The following FANCM variants were observed in gnomAD, a reference collection of about 807,000 sequenced individuals.
FANCM encodes the protein FA complementation group M, also known as Fanconi anemia group M protein.
FANCM carries 140 observed loss-of-function variants against 199.5 expected under a neutral mutation model. That is an observed-to-expected ratio of 0.70 (90% CI 0.61 to 0.81). FANCM has a LOEUF of 0.81. FANCM is among the 30% of genes least tolerant of loss of function. FANCM has a pLI of 0.00. For missense variants in FANCM, 2,410 were observed against 2,421.4 expected, an observed-to-expected ratio of 1.00 and a Z score of 0.10; for synonymous variants, 840 against 836.8, an observed-to-expected ratio of 1.00 and a Z score of -0.07.
chr14:45,146,753 A>T (rs1246755510), intron 3 of FANCM, among the ~76,000 whole-genome samples: 1 of 150,390 alleles, frequency 6.6e-6, no homozygotes. Context: ...GAATGGCGTG[A>T]ACCTGGGAGG....
chr14:45,185,195 T>A lies in FANCM; in HGVS notation c.4516-22T>A, dbSNP rs544620577. The stretch of plus-strand genomic sequence containing the variant: ...TTATTTTCTCACTGATATCTTCATG[T>A]TTTCTAATTTGTCTTACTTAGCATG... On this transcript the variant is annotated intron_variant, in intron 17 of 22. Transcript: ENST00000267430. 10 of 1,501,280 alleles carry A rather than the reference T, an allele frequency of 6.7e-6. No individual in the cohort carries two copies. In the East Asian group the frequency reaches 2.0e-4, roughly 31 times the overall value. The allele number at this position is 1,501,280 out of a possible 1,614,324, so 93.0% of individuals were successfully genotyped here. A position where few individuals can be genotyped will look rare whatever the true frequency, so the allele number is the denominator to read the frequency against.
chr14:45,154,074 A>G (rs755662028), intron 6 of FANCM, 22 bp downstream of exon 6: 2 of 1,483,948 alleles, frequency 1.3e-6, no homozygotes, highest in Non-Finnish European at 1.9e-6. Flanking sequence ...CAAATTATTT[A>G]AAGAAATAAT....
intron 18 of FANCM, 40 bp from the exon 19 acceptor site, chr14:45,187,741 A>G (rs1257526938): frequency 1.1e-6 from 1 of 947,134 alleles, no homozygotes; most frequent in Non-Finnish European, 1.7e-6. Context: ...TTTCATTTAA[A>G]TAATTTTGCT....
In FANCM at chr14:45,164,506, A is replaced by G; in HGVS notation, c.1729A>G (p.Thr577Ala). 1.2e-6 allele frequency: 2 copies of G among 1,613,704 alleles called. No homozygotes were observed. The highest frequency in any genetic ancestry group is 1.7e-6 in the Non-Finnish European group (2 of 1,180,016). The stretch of plus-strand genomic sequence containing the variant: ...TCGTCTTGTACAACGAATGGGTAGA[A>G]CTGGCCGTAAACGTCAAGGCAGGAT... The part of the protein sequence containing the change: ...PIRLVQRMGR[T>A]GRKRQGRIVI... Residue 577 changes from threonine (T) to alanine (A), a missense_variant, in exon 10 of 23, where the codon ACT (threonine) becomes GCT (alanine). Coordinates refer to ENST00000267430, the MANE Select transcript of FANCM (RefSeq NM_020937.4).
In FANCM at chr14:45,189,070, A is replaced by G. The variant is rs763454366; in HGVS notation, c.5048A>G (p.Lys1683Arg). The G allele has an allele frequency of 1.1e-5, 18 of 1,614,170 alleles. No homozygotes were observed. Among genetic ancestry groups the G allele is most frequent in the Non-Finnish European group, 1.5e-5 (18 of 1,179,986 alleles). Residue 1683 changes from lysine (K) to arginine (R), a missense_variant, in exon 20 of 23, where the codon AAA becomes AGA. By Grantham distance (26) the Lys-to-Arg change is conservative. Coordinates refer to ENST00000267430, the MANE Select transcript of FANCM (RefSeq NM_020937.4). ...GAGGAGGAGAACAATGTAAATGATA[A>G]AAGAGAATCTAATATTGCGGTTAAC... Reference protein sequence around the residue: ...SSEEENNVNDKRESNIAVNPS... With the variant: ...SSEEENNVNDRRESNIAVNPS...
intron 4 of FANCM, among the ~76,000 whole-genome samples, chr14:45,151,149 CA>C (rs1177932241): frequency 1.3e-5 from 2 of 152,080 alleles, no homozygotes; most frequent in African/African-American, 2.4e-5. Flanking sequence ...AAGAAATAAA[CA>C]GATAAACGAA....
At chr14:45,143,929 T>C (rs1365908556) in intron 3 of FANCM, among the ~76,000 whole-genome samples, 1 of 151,896 alleles carries the variant, frequency 6.6e-6, no homozygotes, top group Non-Finnish European at 1.5e-5. Context: ...CCTGACCTCG[T>C]GATCTACCCA....
rs997838682 is a variant in FANCM, at chr14:45,196,531, G to A, written c.5700G>A (p.Lys1900=). ...MFERICVIVE[K]DREKTGDTSR... is the part of the protein sequence containing the mutation. ...AAAGAATATGTGTGATTGTGGAAAAGGACAGAGAAAAAACAGGTTTGTATT... is the reference window on the plus strand; with the variant it reads ...AAAGAATATGTGTGATTGTGGAAAAAGACAGAGAAAAAACAGGTTTGTATT... The change falls in exon 21 of 23, where the codon AAG becomes AAA. Residue 1900 remains lysine (K), a synonymous_variant. Coordinates refer to ENST00000267430, the MANE Select transcript of FANCM (RefSeq NM_020937.4). 6.2e-7 allele frequency: 1 copy of A among 1,613,698 alleles called. No homozygotes were observed.
chr14:45,193,145 C>T (rs1282041302), intron 20 of FANCM, among the ~76,000 whole-genome samples: 2 of 152,198 alleles, frequency 1.3e-5, no homozygotes, highest in Non-Finnish European at 2.9e-5. Flanking sequence ...GCAGCAAACT[C>T]TATTGCCTTC....
At position 45,176,017 on chromosome 14, in the gene FANCM, A is replaced by G; in HGVS notation, c.3263A>G (p.His1088Arg). ...PSLCDCDVHK[H>R]NQNENLVPNN... ...CTCTGTGACTGTGATGTACATAAAC[A>G]TAATCAAAATGAAAATTTAGTACCT... Residue 1088 changes from histidine to arginine, a missense_variant, in exon 14 of 23, where the codon CAT (histidine) becomes CGT (arginine). His to Arg is a conservative substitution (Grantham distance 29, BLOSUM62 0). Coordinates refer to ENST00000267430, the MANE Select transcript of FANCM (RefSeq NM_020937.4). 1 of 1,613,796 alleles carries G rather than the reference A, an allele frequency of 6.2e-7. No individual in the cohort carries two copies. The highest frequency in any genetic ancestry group is 8.5e-7 in the Non-Finnish European group (1 of 1,179,688).
At chr14:45,168,174 T>C (rs763638047) in intron 11 of FANCM, among the ~76,000 whole-genome samples, 3 of 152,194 alleles carry the variant, frequency 2.0e-5, no homozygotes, top group Non-Finnish European at 4.4e-5. Context: ...ACCCTCCTAC[T>C]ACTTGCTTTC....
At chr14:45,147,732 A>C (rs1050789303) in intron 3 of FANCM, among the ~76,000 whole-genome samples, 1 of 151,674 alleles carries the variant, frequency 6.6e-6, no homozygotes, top group African/African-American at 2.4e-5. Flanking sequence ...ATCTGTACCC[A>C]AAATACAAAA....
intron 3 of FANCM, among the ~76,000 whole-genome samples, chr14:45,141,256 C>T (rs1476537793): frequency 6.9e-6 from 1 of 145,496 alleles, no homozygotes; most frequent in Non-Finnish European, 1.5e-5. Flanking sequence ...CCACTGCACT[C>T]CAGCCTGGGC....
chr14:45,178,960 A>C (rs978505820), intron 14 of FANCM, among the ~76,000 whole-genome samples: 1 of 152,160 alleles, frequency 6.6e-6, no homozygotes, highest in African/African-American at 2.4e-5. Flanking sequence ...GCACTTTGGA[A>C]GGCTGAGGCG....
intron 4 of FANCM, among the ~76,000 whole-genome samples, chr14:45,150,970 CATT>C (rs1886778273): frequency 6.6e-6 from 1 of 152,126 alleles, no homozygotes; most frequent in African/African-American, 2.4e-5. Context: ...ATATTCAGGA[CATT>C]TCAATTTATT....
At chr14:45,191,449 G>A (rs1889761790) in intron 20 of FANCM, among the ~76,000 whole-genome samples, 1 of 152,098 alleles carries the variant, frequency 6.6e-6, no homozygotes, top group Admixed American at 6.6e-5. Flanking sequence ...GCCCTTCTGG[G>A]CTTCTAATCA....
rs1302733474 is a variant in FANCM, at chr14:45,176,815, G to A, written c.4061G>A (p.Arg1354Lys). Reference protein sequence around the residue: ...SNTLNSFSKIRKEILKTPDSS... With the variant: ...SNTLNSFSKIKKEILKTPDSS... Reference sequence around the variant, plus strand: ...ACATTGAACTCATTTTCTAAGATAAGAAAGGAAATACTTAAGACACCAGAT... The same window carrying A: ...ACATTGAACTCATTTTCTAAGATAAAAAAGGAAATACTTAAGACACCAGAT... The change falls in exon 14 of 23, where the codon AGA (arginine) becomes AAA (lysine). Residue 1354 changes from arginine to lysine, a missense_variant. Physicochemically the swap from Arg to Lys is conservative, Grantham distance 26. Transcript: ENST00000267430. The A allele has an allele frequency of 6.2e-7, 1 of 1,606,576 alleles. No homozygotes were observed. Among genetic ancestry groups the A allele is most frequent in the Admixed American group, 1.7e-5 (1 of 58,984 alleles).
chr14:45,191,374 T>C (rs1369500106), intron 20 of FANCM, among the ~76,000 whole-genome samples: 2 of 152,204 alleles, frequency 1.3e-5, no homozygotes, highest in African/African-American at 4.8e-5. Flanking sequence ...GAGTCCCTCC[T>C]GACCCTGGGC....
In FANCM at chr14:45,137,020, T is replaced by C. The variant is rs767925823; in HGVS notation, c.509-49T>C. ...AAAAAGCCAGACTATTTATATTTTA[T>C]AGATAACAGTCTGAAGTTTAGAATG... On this transcript the variant is annotated intron_variant, in intron 1 of 22. Coordinates refer to ENST00000267430, the MANE Select transcript of FANCM (RefSeq NM_020937.4). The C allele has an allele frequency of 1.4e-5, 19 of 1,353,634 alleles. No homozygotes were observed. The East Asian group carries it at 1.6e-4, about 11-fold the overall frequency. The allele number at this position is 1,353,634 out of a possible 1,614,324, so 83.9% of individuals were successfully genotyped here. A position where few individuals can be genotyped will look rare whatever the true frequency, so the allele number is the denominator to read the frequency against.
Sources: gnomAD v4.1 joint callset for allele counts (sites outside exome capture counted in the v4.1 genomes callset) on GRCh38, gnomAD v4.1.1 for gene constraint, MANE v1.5 for transcripts, NCBI Gene and HGNC (gene_info 2026-07-23, HGNC 2026-07-21) for gene names.